Variants in BBS9 observed in about 807,000 individuals in gnomAD.
BBS9 encodes protein PTHB1.
BBS9 carries 89 observed loss-of-function variants against 117.7 expected under a neutral mutation model. That is an observed-to-expected ratio of 0.76 (90% confidence interval 0.64 to 0.90). The LOEUF (loss-of-function observed/expected upper bound fraction) is 0.90, where lower values mean the gene tolerates loss of function less well. Ranked by LOEUF, BBS9 falls within the 40% of genes least tolerant of loss-of-function variation. The pLI, the probability that BBS9 is intolerant of heterozygous loss-of-function variation, is 0.00. For synonymous variants in BBS9, 379 were observed against 370.9 expected (o/e 1.02, Z -0.25); for missense variants, 982 against 1,042.2 (o/e 0.94, Z 0.80).
At chr7:33,152,909 T>C in intron 3 of BBS9, 58 bp downstream of exon 3, 1 of 1,555,630 alleles carries the variant, frequency 6.4e-7, no homozygotes, top group South Asian at 1.1e-5. Context: ...CTTTACAGTG[T>C]CACTTTTGTG....
chr7:33,217,577 C>G (rs1789324046), intron 5 of BBS9, among the ~76,000 whole-genome samples: 1 of 152,146 alleles, frequency 6.6e-6, no homozygotes, highest in Non-Finnish European at 1.5e-5. Flanking sequence ...AAATACATTT[C>G]AATATTTTGA....
At chr7:33,425,867 A>G (rs1028410484) in intron 19 of BBS9, among the ~76,000 whole-genome samples, 1 of 152,222 alleles carries the variant, frequency 6.6e-6, no homozygotes, top group African/African-American at 2.4e-5. Context: ...GCTTGACCTT[A>G]CAGTGGCAAT....
chr7:33,169,458 C>T (rs1244538647), intron 4 of BBS9, among the ~76,000 whole-genome samples: 2 of 151,122 alleles, frequency 1.3e-5, no homozygotes, highest in Non-Finnish European at 3.0e-5. Context: ...TTCTCCACAT[C>T]CTCTCCAGCA....
At chr7:33,554,095 C>T (rs1232815797) in intron 21 of BBS9, among the ~76,000 whole-genome samples, 1 of 151,940 alleles carries the variant, frequency 6.6e-6, no homozygotes, top group Non-Finnish European at 1.5e-5. Context: ...AAGGGCTTGG[C>T]ACATTCAAAA....
intron 21 of BBS9, among the ~76,000 whole-genome samples, chr7:33,589,558 T>C (rs1861516161): frequency 6.6e-6 from 1 of 152,072 alleles, no homozygotes; most frequent in Non-Finnish European, 1.5e-5. Flanking sequence ...AACAATAGAA[T>C]TTCCTAACAA....
chr7:33,436,109 TAGG>T (rs1835271286), intron 19 of BBS9, among the ~76,000 whole-genome samples: 1 of 152,150 alleles, frequency 6.6e-6, no homozygotes, highest in African/African-American at 2.4e-5. Flanking sequence ...AACTTCCAAG[TAGG>T]TTGCTGTACT....
rs752177003 is a variant in BBS9 at position 33,533,950 on chromosome 7, C to G, written c.2299-4C>G. ...ATTAATTCAAAATTGGCTTTTGTAT[C>G]CAGGGCTGGGAAGAAACGGTGGATG... On this transcript the variant is annotated splice_region_variant and splice_polypyrimidine_tract_variant and intron_variant, in intron 20 of 22. Transcript: ENST00000242067. 6.2e-7 allele frequency: 1 copy of G among 1,614,176 alleles called. No individual in the cohort carries two copies. Among genetic ancestry groups the G allele is most frequent in the Admixed American group, 1.7e-5 (1 of 60,022 alleles).
Position 33,414,549 on chromosome 7 carries a change from T to A in BBS9, c.2115+26405T>A, listed in dbSNP as rs1831671372. On this transcript the variant is annotated intron_variant, in intron 19 of 22. Transcript: ENST00000242067. ...GCATGCATTATTTTAAAAATTGGGA[T>A]CATCATATAAAAATCTGTTGGAATC... 3.3e-5 allele frequency among the ~76,000 whole-genome samples: 5 copies of A among 152,304 alleles called. No homozygotes were observed. The South Asian group carries it at 1.0e-3, about 32-fold the overall frequency.
intron 20 of BBS9, among the ~76,000 whole-genome samples, chr7:33,531,983 C>T (rs62449371): frequency 7.4e-4 from 112 of 152,328 alleles, no homozygotes; most frequent in Non-Finnish European, 1.2e-3. Flanking sequence ...ATTTCTTGAC[C>T]ATCCTCTGTA....
chr7:33,172,888 G>T (rs1315874022), intron 4 of BBS9, among the ~76,000 whole-genome samples: 2 of 152,182 alleles, frequency 1.3e-5, no homozygotes, highest in African/African-American at 4.8e-5. Context: ...GGCCAGAAAG[G>T]CACCTTAATC....
At chr7:33,324,321 A>T (rs1225956999) in intron 9 of BBS9, among the ~76,000 whole-genome samples, 1 of 152,208 alleles carries the variant, frequency 6.6e-6, no homozygotes, top group Non-Finnish European at 1.5e-5. Flanking sequence ...TAAACAAGCA[A>T]ACAAATCAAA....
chr7:33,453,777 C>T (rs1563198174), intron 19 of BBS9, among the ~76,000 whole-genome samples: 1 of 152,152 alleles, frequency 6.6e-6, no homozygotes, highest in Non-Finnish European at 1.5e-5. Flanking sequence ...GCCTCGGCCT[C>T]CCAAAGTGCT....
intron 15 of BBS9, among the ~76,000 whole-genome samples, chr7:33,354,166 A>G (rs1377394756): frequency 6.6e-6 from 1 of 152,128 alleles, no homozygotes; most frequent in Admixed American, 6.6e-5. Flanking sequence ...TCTCTTTGAT[A>G]TATTTTAAAA....
At chr7:33,533,417 C>T (rs1232747520) in intron 20 of BBS9, among the ~76,000 whole-genome samples, 1 of 152,200 alleles carries the variant, frequency 6.6e-6, no homozygotes, top group Non-Finnish European at 1.5e-5. Context: ...TGCAATAGCT[C>T]CTTTGTTTCT....
At chr7:33,541,960 T>A (rs1326994089) in intron 21 of BBS9, among the ~76,000 whole-genome samples, 2 of 142,046 alleles carry the variant, frequency 1.4e-5, no homozygotes, top group South Asian at 2.3e-4. Context: ...TTTAAAAACA[T>A]TTTTTAGTGT....
At chr7:33,225,874 A>C (rs1188317670) in intron 5 of BBS9, among the ~76,000 whole-genome samples, 2 of 152,186 alleles carry the variant, frequency 1.3e-5, no homozygotes, top group African/African-American at 2.4e-5. Flanking sequence ...TGATACTCCC[A>C]ATTATGATGC....
At chr7:33,531,272 G>A (rs1282689271) in intron 20 of BBS9, among the ~76,000 whole-genome samples, 3 of 152,138 alleles carry the variant, frequency 2.0e-5, no homozygotes, top group Admixed American at 6.6e-5. Flanking sequence ...CAGAGAGAGC[G>A]AGCCTCATAA....
chr7:33,157,404 G>C (rs1361161216), intron 4 of BBS9, among the ~76,000 whole-genome samples: 1 of 152,212 alleles, frequency 6.6e-6, no homozygotes, highest in East Asian at 1.9e-4. Context: ...TAAAAGCTTT[G>C]TATTCTCTGG....
At chr7:33,355,115 A>G (rs1230240830) in intron 15 of BBS9, among the ~76,000 whole-genome samples, 1 of 152,076 alleles carries the variant, frequency 6.6e-6, no homozygotes, top group Non-Finnish European at 1.5e-5. Flanking sequence ...GTCTCTTTCA[A>G]CTAAGTTGAA....
Sources: gnomAD v4.1 joint callset for allele counts (sites outside exome capture counted in the v4.1 genomes callset) on GRCh38, gnomAD v4.1.1 for gene constraint, MANE v1.5 for transcripts, NCBI Gene and HGNC (gene_info 2026-07-23, HGNC 2026-07-21) for gene names.